LCORL: variants seen among roughly 807,000 people sequenced by gnomAD.
LCORL encodes ligand-dependent nuclear receptor corepressor-like protein.
LCORL carries 41 observed loss-of-function variants against 141.8 expected under a neutral mutation model. The observed-to-expected ratio is 0.29, with a 90% CI of 0.23 to 0.38. The LOEUF is 0.38. Ranked by LOEUF, LCORL falls within the 10% of genes least tolerant of loss-of-function variation. LCORL has a pLI of 1.00. For synonymous variants in LCORL, 618 were observed against 694.1 expected, an observed-to-expected ratio of 0.89 and a Z score of 1.72; for missense variants, 1,759 against 2,035.0, an observed-to-expected ratio of 0.86 and a Z score of 2.61.
At chr4:17,841,476 G>A (rs1165055309) in exon 8 of LCORL, 1 of 151,778 alleles carries the variant, frequency 6.6e-6, no homozygotes, top group Non-Finnish European at 1.5e-5. Context: ...CCATATTGTT[G>A]GATGTTTTCT....
At chr4:17,877,226 C>T in exon 7 of LCORL, 2 of 1,230,262 alleles carry the variant, frequency 1.6e-6, no homozygotes, top group Non-Finnish European at 2.0e-6. Flanking sequence ...CATGTTGACT[C>T]AATAATTCCA....
chr4:17,842,427 A>T, exon 8 of LCORL: 1 of 1,485,560 alleles, frequency 6.7e-7, no homozygotes, highest in Non-Finnish European at 9.3e-7. Context: ...TTCACTTTTT[A>T]TTTCTACAAG....
intron 4 of LCORL, among the ~76,000 whole-genome samples, chr4:17,936,709 A>G (rs1736920025): frequency 6.6e-6 from 1 of 152,184 alleles, no homozygotes; most frequent in African/African-American, 2.4e-5. Context: ...TGAGAGGTTA[A>G]CGGAGAATAT....
At chr4:17,980,471 A>C (rs1197256112) in intron 1 of LCORL, among the ~76,000 whole-genome samples, 2 of 152,218 alleles carry the variant, frequency 1.3e-5, no homozygotes. Flanking sequence ...CTATTGCCCT[A>C]GAATTGTGAT....
At chr4:17,950,042 A>C (rs963198673) in intron 4 of LCORL, among the ~76,000 whole-genome samples, 2 of 152,192 alleles carry the variant, frequency 1.3e-5, no homozygotes, top group Non-Finnish European at 2.9e-5. Context: ...CAAGAACAGC[A>C]TTAGAACATC....
intron 6 of LCORL, chr4:17,880,485 A>G: frequency 1.1e-6 from 1 of 940,302 alleles, no homozygotes; most frequent in Middle Eastern, 5.5e-4. Flanking sequence ...GTATGTTACT[A>G]TCCATTTTGC....
exon 7 of LCORL, chr4:17,877,660 A>G: frequency 1.6e-6 from 2 of 1,229,490 alleles, no homozygotes; most frequent in Non-Finnish European, 2.0e-6. Context: ...TCTATAGGTG[A>G]TAATGGTGGG....
chr4:17,905,435 C>G (rs149408152), intron 5 of LCORL, among the ~76,000 whole-genome samples: 327 of 152,082 alleles, frequency 2.2e-3, no homozygotes, highest in African/African-American at 7.3e-3. Flanking sequence ...ACTCAATTTG[C>G]TGATATTTAT....
chr4:18,009,589 T>G (rs1723362076), intron 1 of LCORL, among the ~76,000 whole-genome samples: 1 of 151,952 alleles, frequency 6.6e-6, no homozygotes, highest in South Asian at 2.1e-4. Flanking sequence ...ACTTGAGCCT[T>G]AATATACCTA....
chr4:17,851,873 A>ATTTTTT (rs1285881972), intron 7 of LCORL, among the ~76,000 whole-genome samples: 5 of 152,224 alleles, frequency 3.3e-5, no homozygotes, highest in African/African-American at 1.2e-4. Flanking sequence ...CTGATGTTAA[A>ATTTTTT]AAGTGGCATA....
At chr4:17,865,753 C>T (rs1455186608) in intron 7 of LCORL, among the ~76,000 whole-genome samples, 1 of 152,106 alleles carries the variant, frequency 6.6e-6, no homozygotes. Flanking sequence ...TCACTTGGGC[C>T]CCACCCCATA....
At chr4:17,901,778 GA>G (rs957951158) in intron 5 of LCORL, among the ~76,000 whole-genome samples, 1 of 151,292 alleles carries the variant, frequency 6.6e-6, no homozygotes, top group Non-Finnish European at 1.5e-5. Flanking sequence ...AAATAAGGAG[GA>G]AAAAAAAGCA....
intron 5 of LCORL, among the ~76,000 whole-genome samples, chr4:17,897,496 C>A (rs898430874): frequency 1.3e-5 from 2 of 151,546 alleles, no homozygotes; most frequent in African/African-American, 4.8e-5. Context: ...ATTTGGTTGT[C>A]CTGAAACACA....
At chr4:17,895,390 G>A (rs1560303619) in intron 5 of LCORL, among the ~76,000 whole-genome samples, 1 of 151,828 alleles carries the variant, frequency 6.6e-6, no homozygotes, top group Non-Finnish European at 1.5e-5. Context: ...TTCCACATGA[G>A]TGACAAATAC....
chr4:17,903,531 A>G (rs1046734950), intron 5 of LCORL, among the ~76,000 whole-genome samples: 13 of 152,056 alleles, frequency 8.5e-5, no homozygotes, highest in African/African-American at 2.9e-4. Context: ...AATGTTATTT[A>G]TATCTGTTTC....
chr4:17,914,421 T>C (rs1390463395), intron 4 of LCORL, among the ~76,000 whole-genome samples: 1 of 152,208 alleles, frequency 6.6e-6, no homozygotes, highest in Non-Finnish European at 1.5e-5. Flanking sequence ...TAGGATTGAA[T>C]TTACAGCAAA....
At chr4:17,889,790 T>TGGTG (rs936765758) in intron 5 of LCORL, among the ~76,000 whole-genome samples, 1 of 152,094 alleles carries the variant, frequency 6.6e-6, no homozygotes, top group African/African-American at 2.4e-5. Flanking sequence ...TTTATCTGAA[T>TGGTG]GGTGATTACA....
At chr4:18,015,957 T>C (rs1211850324) in intron 1 of LCORL, among the ~76,000 whole-genome samples, 1 of 151,870 alleles carries the variant, frequency 6.6e-6, no homozygotes, top group Non-Finnish European at 1.5e-5. Context: ...CCTGGTTTCA[T>C]ACATAAAAAG....
intron 7 of LCORL, among the ~76,000 whole-genome samples, chr4:17,853,835 G>C (rs1191628375): frequency 6.6e-6 from 1 of 152,044 alleles, no homozygotes; most frequent in Non-Finnish European, 1.5e-5. Context: ...CCTTCATGAA[G>C]GTCACTTATC....
Sources: allele counts gnomAD v4.1 joint callset (sites outside exome capture counted in the v4.1 genomes callset), GRCh38; gene constraint gnomAD v4.1.1; transcripts MANE v1.5; gene names NCBI Gene and HGNC (gene_info 2026-07-23, HGNC 2026-07-21).